KIAA0232: variants seen among roughly 807,000 people sequenced by gnomAD.
KIAA0232 encodes the protein uncharacterized protein KIAA0232.
In KIAA0232, 27 loss-of-function variants were observed where a neutral mutation model predicts 122.0. The observed-to-expected ratio is 0.22, with a 90% confidence interval of 0.16 to 0.31. KIAA0232 has a LOEUF of 0.31. KIAA0232 is among the 10% of genes least tolerant of loss of function. The pLI is 1.00. For missense variants in KIAA0232, 1,551 were observed against 1,634.2 expected (o/e 0.95, Z 0.88); for synonymous variants, 613 against 587.6 (o/e 1.04, Z -0.63).
chr4:6,863,089 C>G lies in KIAA0232; in HGVS notation c.2707C>G (p.Leu903Val). Residue 903 changes from leucine (L) to valine (V), a missense_variant, in exon 7 of 10, where the codon CTA becomes GTA. By Grantham distance (32) the Leu-to-Val change is conservative. Transcript: ENST00000307659. ...GAAAAGAGCATTTGCTTCTAGTGAG[C>G]TATCAAACGTGGATGGTGGTGATTA... ...LEKRAFASSELSNVDGGDYTT... is the reference protein window; with the variant it reads ...LEKRAFASSEVSNVDGGDYTT... 5 of 1,614,250 alleles carry G rather than the reference C, an allele frequency of 3.1e-6. No individual in the cohort carries two copies. Among genetic ancestry groups the G allele is most frequent in the Middle Eastern group, 3.3e-4 (2 of 6,062 alleles).
intron 8 of KIAA0232, among the ~76,000 whole-genome samples, chr4:6,874,080 C>G (rs895529301): frequency 6.6e-6 from 1 of 152,170 alleles, no homozygotes; most frequent in African/African-American, 2.4e-5. Context: ...GAAACAGGCT[C>G]AGAAAAGAGG....
chr4:6,821,964 ACTTAT>A (rs1416564921), intron 2 of KIAA0232, among the ~76,000 whole-genome samples: 1 of 151,894 alleles, frequency 6.6e-6, no homozygotes, highest in Non-Finnish European at 1.5e-5. Context: ...CTGAGGTCAT[ACTTAT>A]CTTTTGTTTG....
chr4:6,846,724 T>TG (rs1461995233), intron 4 of KIAA0232, among the ~76,000 whole-genome samples: 1 of 152,088 alleles, frequency 6.6e-6, no homozygotes, highest in East Asian at 1.9e-4. Context: ...AGTTTATGAA[T>TG]GGTAGGCCAT....
chr4:6,851,009 A>G (rs111678702), intron 4 of KIAA0232, among the ~76,000 whole-genome samples: 4 of 152,328 alleles, frequency 2.6e-5, no homozygotes, highest in African/African-American at 9.6e-5. Flanking sequence ...GCGTATGTAC[A>G]GTACTTTTTC....
At chr4:6,800,822 G>C (rs1470632393) in intron 1 of KIAA0232, among the ~76,000 whole-genome samples, 1 of 152,208 alleles carries the variant, frequency 6.6e-6, no homozygotes, top group Non-Finnish European at 1.5e-5. Flanking sequence ...TGCAGAGCCA[G>C]GTTGGCTCCT....
At chr4:6,821,384 C>A (rs987298775) in intron 2 of KIAA0232, among the ~76,000 whole-genome samples, 1 of 152,070 alleles carries the variant, frequency 6.6e-6, no homozygotes, top group East Asian at 1.9e-4. Flanking sequence ...CCCACCCTTT[C>A]CCCCTGAATT....
intron 3 of KIAA0232, among the ~76,000 whole-genome samples, chr4:6,829,938 G>A (rs1029517166): frequency 1.3e-5 from 2 of 152,108 alleles, no homozygotes; most frequent in African/African-American, 4.8e-5. Flanking sequence ...ATATGCTTTC[G>A]TTTCCTTTAT....
intron 1 of KIAA0232, among the ~76,000 whole-genome samples, chr4:6,790,471 T>C (rs1716843996): frequency 6.8e-6 from 1 of 146,170 alleles, no homozygotes; most frequent in African/African-American, 2.5e-5. Context: ...CACAGCTCAC[T>C]ACAGCCAGGA....
intron 1 of KIAA0232, among the ~76,000 whole-genome samples, chr4:6,788,649 A>G (rs1200986804): frequency 2.6e-5 from 4 of 152,226 alleles, no homozygotes; most frequent in East Asian, 1.9e-4. Context: ...AGTGTGCAAT[A>G]TAGTCTTTTA....
chr4:6,783,412 G>A (rs1252730960), intron 1 of KIAA0232, among the ~76,000 whole-genome samples: 1 of 152,254 alleles, frequency 6.6e-6, no homozygotes, highest in Non-Finnish European at 1.5e-5. Context: ...TTCTAGGGGA[G>A]ACGAGGCGGG....
intron 2 of KIAA0232, among the ~76,000 whole-genome samples, chr4:6,817,167 C>T (rs1340160025): frequency 3.3e-5 from 5 of 152,148 alleles, no homozygotes; most frequent in African/African-American, 1.2e-4. Context: ...CTAATGTAGA[C>T]AGTGCTCTAC....
At chr4:6,846,930 G>A (rs1180336545) in intron 4 of KIAA0232, among the ~76,000 whole-genome samples, 1 of 152,122 alleles carries the variant, frequency 6.6e-6, no homozygotes, top group African/African-American at 2.4e-5. Context: ...TTCCCATCCA[G>A]TCCAAATGCC....
At chr4:6,871,389 G>A (rs1396705595) in intron 7 of KIAA0232, among the ~76,000 whole-genome samples, 185 bp from the exon 8 acceptor site, 3 of 152,120 alleles carry the variant, frequency 2.0e-5, no homozygotes, top group Non-Finnish European at 4.4e-5. Context: ...AGCCAAGATC[G>A]TGCCACTACA....
chr4:6,845,964 A>G (rs947009824), intron 4 of KIAA0232, among the ~76,000 whole-genome samples: 1 of 152,192 alleles, frequency 6.6e-6, no homozygotes, highest in African/African-American at 2.4e-5. Flanking sequence ...GTTGTGGCTT[A>G]TAAAGATCTT....
intron 4 of KIAA0232, 76 bp downstream of exon 4, chr4:6,842,280 G>A: frequency 6.9e-7 from 1 of 1,445,708 alleles, no homozygotes; most frequent in Non-Finnish European, 9.3e-7. Context: ...ATGACAACTT[G>A]ACCTCCAAAA....
intron 1 of KIAA0232, among the ~76,000 whole-genome samples, chr4:6,788,715 G>C (rs983516019): frequency 6.6e-6 from 1 of 152,202 alleles, no homozygotes; most frequent in East Asian, 1.9e-4. Context: ...TACAGTCTCT[G>C]ATTTCAGGAG....
chr4:6,815,595 T>C (rs1172706673), intron 2 of KIAA0232, among the ~76,000 whole-genome samples: 1 of 152,192 alleles, frequency 6.6e-6, no homozygotes, highest in Non-Finnish European at 1.5e-5. Flanking sequence ...GGTGCTTCTG[T>C]CTAAAAACCC....
chr4:6,802,537 A>G (rs1404821915), intron 1 of KIAA0232, among the ~76,000 whole-genome samples: 1 of 151,012 alleles, frequency 6.6e-6, no homozygotes, highest in African/African-American at 2.5e-5. Context: ...GACTCTTCTC[A>G]ACCCCCCCCA....
Position 6,863,163 on chromosome 4 carries a change from A to G in KIAA0232, c.2781A>G (p.Thr927=). 1 of 1,614,160 alleles carries G rather than the reference A, an allele frequency of 6.2e-7. No individual in the cohort carries two copies. Among genetic ancestry groups the G allele is most frequent in the South Asian group, 1.1e-5 (1 of 91,088 alleles). ...ATGTAGCCCAAGATAAAGAAAACAC[A>G]TTCATTCTTGGAGGAGTTTATGGAG... ...PWDVAQDKEN[T]FILGGVYGEL... Residue 927 remains threonine, a synonymous_variant, in exon 7 of 10, where the codon ACA becomes ACG. Transcript: ENST00000307659.
Sources: allele counts gnomAD v4.1 joint callset (sites outside exome capture counted in the v4.1 genomes callset), GRCh38; gene constraint gnomAD v4.1.1; transcripts MANE v1.5; gene names NCBI Gene and HGNC (gene_info 2026-07-23, HGNC 2026-07-21).